Variants in CACNA1A observed in about 807,000 individuals in gnomAD.
CACNA1A encodes calcium voltage-gated channel subunit alpha1 A, also known as voltage-dependent P/Q-type calcium channel subunit alpha-1A.
In CACNA1A, 57 loss-of-function variants were observed where a neutral mutation model predicts 262.4. The ratio of observed to expected loss-of-function variants is 0.22; its 90% CI spans 0.18 to 0.27. The LOEUF (loss-of-function observed/expected upper bound fraction) is 0.27. Among genes scored for constraint, CACNA1A ranks in the 10% least tolerant of loss-of-function variants. CACNA1A has a pLI of 1.00. For synonymous variants in CACNA1A, 1,431 were observed against 1,419.3 expected, an observed-to-expected ratio of 1.01 and a Z score of -0.18; for missense variants, 2,526 against 3,562.8, an observed-to-expected ratio of 0.71 and a Z score of 7.41.
chr19:13,227,249 C>T, intron 37 of CACNA1A, 182 bp downstream of exon 37: 2 of 381,344 alleles, frequency 5.2e-6, no homozygotes, highest in Non-Finnish European at 9.6e-6. Context: ...TGCTTAGAAT[C>T]AAGGGATGGT....
Position 13,207,516 on chromosome 19 carries a change from C to T in CACNA1A, c.7318G>A (p.Val2440Ile), listed in dbSNP as rs765880617. 4.2e-6 allele frequency: 6 copies of T among 1,431,600 alleles called. No individual in the cohort carries two copies. Among genetic ancestry groups the T allele is most frequent in the African/African-American group, 1.5e-5 (1 of 65,836 alleles). 88.7% of individuals were successfully genotyped at this position (1,431,600 alleles called of 1,614,324 possible). Residue 2440 changes from valine to isoleucine, a missense_variant, in exon 47 of 47, where the codon GTA becomes ATA. By Grantham distance (29) the Val-to-Ile change is conservative (BLOSUM62 3). Transcript: ENST00000360228. This position sits in a 1 kb window ranked among gnomAD's most constrained non-coding sequence, Gnocchi z 5.7. ...GTGGCGCCCGAGGACGCGTGTCGTA[C>T]GGGGGGTGGCGCGTCGTAGGCCCCG... ...MAGAYDAPPP[V>I]RHASSGATGR...
At position 13,234,908 on chromosome 19, in the gene CACNA1A, G is replaced by T; in HGVS notation, c.5249+13C>A. On this transcript the variant is annotated intron_variant, in intron 34 of 46. Coordinates refer to ENST00000360228, the MANE Select transcript of CACNA1A (RefSeq NM_001127222.2). ...CACGGAAACAGAATTATCAGAGCAGGTCCCCTTCTCACCGGAAGAGAAGCA... is the reference window on the plus strand; with the variant it reads ...CACGGAAACAGAATTATCAGAGCAGTTCCCCTTCTCACCGGAAGAGAAGCA... 6.4e-7 allele frequency: 1 copy of T among 1,565,548 alleles called. No individual in the cohort carries two copies. The highest frequency in any genetic ancestry group is 8.8e-7 in the Non-Finnish European group (1 of 1,135,672).
chr19:13,398,273 A>C (rs1568606796), intron 3 of CACNA1A, among the ~76,000 whole-genome samples: 1 of 152,140 alleles, frequency 6.6e-6, no homozygotes, highest in Non-Finnish European at 1.5e-5. Flanking sequence ...AAAAGAAAAA[A>C]AAAAAAAGAA....
At chr19:13,448,291 C>A (rs924324469) in intron 3 of CACNA1A, among the ~76,000 whole-genome samples, 6 of 151,972 alleles carry the variant, frequency 3.9e-5, no homozygotes, top group African/African-American at 1.2e-4. Flanking sequence ...TAAGTGGGGG[C>A]TAAATGATGA....
intron 2 of CACNA1A, among the ~76,000 whole-genome samples, chr19:13,454,312 A>G (rs11667343): frequency 0.23 from 35,294 of 150,816 alleles, 4,836 homozygotes; most frequent in Middle Eastern, 0.4. Flanking sequence ...CCCTTCTCCT[A>G]TATCTCACCC....
At chr19:13,265,300 A>G (rs1350953816) in intron 24 of CACNA1A, among the ~76,000 whole-genome samples, 1 of 152,198 alleles carries the variant, frequency 6.6e-6, no homozygotes, top group Non-Finnish European at 1.5e-5. Flanking sequence ...ATCTCCCTAC[A>G]GTGACCTCCC....
Position 13,207,956 on chromosome 19 carries a change from G to T in CACNA1A, c.6878C>A (p.Pro2293His). ...RRQLPQTPST[P>H]RPHVSYSPVI... ...AGGGGAATAGGACACGTGTGGCCGG[G>T]GGGTGGAGGGGGTCTGGGGGAGCTG... Residue 2293 changes from proline (P) to histidine (H), a missense_variant, in exon 47 of 47, where the codon CCC becomes CAC. Transcript: ENST00000360228. The surrounding 1 kb of genome is among the most constrained non-coding windows in gnomAD (Gnocchi z 5.7). 7.3e-7 allele frequency: 1 copy of T among 1,364,698 alleles called. No homozygotes were observed. 84.5% of individuals were successfully genotyped at this position (1,364,698 alleles called of 1,614,324 possible).
In CACNA1A at chr19:13,235,228, TAGATGAAGA is replaced by T; in HGVS notation, c.5105_5113del (p.Phe1702_Ile1704del). 6.2e-7 allele frequency: 1 copy of T among 1,605,394 alleles called. No homozygotes were observed. The highest frequency in any genetic ancestry group is 8.5e-7 in the Non-Finnish European group (1 of 1,175,936). ...ACTCACCTGCATCCCAATGATGGCA[TAGATGAAGA>T]AGAGCATGGCGATCAGCAGACAGAC... On this transcript the variant is annotated inframe_deletion, in exon 33 of 47. Coordinates refer to ENST00000360228, the MANE Select transcript of CACNA1A (RefSeq NM_001127222.2).
intron 4 of CACNA1A, among the ~76,000 whole-genome samples, chr19:13,367,307 AAAAAAAAAAAAAG>A (rs2059232461): frequency 6.6e-6 from 1 of 150,800 alleles, no homozygotes; most frequent in East Asian, 2.0e-4. Flanking sequence ...AAAAAAAAAA[AAAAAAAAAAAAAG>A]GCAGAACTAG....
chr19:13,434,966 T>G (rs1404000549), intron 3 of CACNA1A, among the ~76,000 whole-genome samples: 3 of 151,960 alleles, frequency 2.0e-5, no homozygotes, highest in African/African-American at 7.3e-5. Context: ...ATTTTTGTAC[T>G]TTTAGTAGAG....
chr19:13,400,726 A>G (rs1366853120), intron 3 of CACNA1A, among the ~76,000 whole-genome samples: 1 of 152,188 alleles, frequency 6.6e-6, no homozygotes, highest in Admixed American at 6.5e-5. Context: ...GGCATCAAGT[A>G]AGTTGAGGCA....
At chr19:13,320,991 G>A (rs934807675) in intron 10 of CACNA1A, among the ~76,000 whole-genome samples, 6 of 150,078 alleles carry the variant, frequency 4.0e-5, no homozygotes, top group South Asian at 4.2e-4. Flanking sequence ...ATCAAGAGCC[G>A]GTGTAACTGG....
intron 6 of CACNA1A, 77 bp from the exon 7 acceptor site, chr19:13,335,986 A>G: frequency 1.2e-6 from 1 of 822,266 alleles, no homozygotes; most frequent in Non-Finnish European, 2.0e-6. Flanking sequence ...GGGAAGGGGA[A>G]GCTCGGTTCT....
At chr19:13,251,566 T>G (rs1023744087) in intron 30 of CACNA1A, among the ~76,000 whole-genome samples, 1 of 152,140 alleles carries the variant, frequency 6.6e-6, no homozygotes, top group Non-Finnish European at 1.5e-5. Context: ...TTTAAAGCAA[T>G]GATGAATGCA....
At position 13,252,981 on chromosome 19, in the gene CACNA1A, T is replaced by G; in HGVS notation, c.4866+10A>C. ...CAAGCCCATAGCTGTAGCCCCAAGG[T>G]GGTACTTACCAGAATCCCAAAAGCC... On this transcript the variant is annotated intron_variant, in intron 30 of 46. Transcript: ENST00000360228. 6.4e-7 allele frequency: 1 copy of G among 1,560,844 alleles called. No homozygotes were observed. The highest frequency in any genetic ancestry group is 1.1e-5 in the South Asian group (1 of 90,016).
intron 1 of CACNA1A, among the ~76,000 whole-genome samples, chr19:13,475,587 C>T (rs2145056029): frequency 6.6e-6 from 1 of 152,288 alleles, no homozygotes; most frequent in Non-Finnish European, 1.5e-5. Flanking sequence ...GTTAGCTGAA[C>T]AAGGTAAAGG....
intron 1 of CACNA1A, among the ~76,000 whole-genome samples, chr19:13,470,303 T>C (rs2061327244): frequency 6.6e-6 from 1 of 152,154 alleles, no homozygotes; most frequent in Non-Finnish European, 1.5e-5. Flanking sequence ...GGCTGGTTTC[T>C]AGCCCCCATC....
rs961303012 is a variant in CACNA1A, at chr19:13,384,859, G to A, written c.540-13080C>T. Among the ~76,000 whole-genome samples the A allele has an allele frequency of 3.9e-5, 6 of 152,102 alleles. No homozygotes were observed. The South Asian group carries it at 6.2e-4, about 16-fold the overall frequency. Reference sequence around the variant, plus strand: ...GGCATCAGGGTCACGTCAGTCTTGCGGGGGCTGATGGTTGAGGGAGAACAA... The same window carrying A: ...GGCATCAGGGTCACGTCAGTCTTGCAGGGGCTGATGGTTGAGGGAGAACAA... On this transcript the variant is annotated intron_variant, in intron 3 of 46. Coordinates refer to ENST00000360228, the MANE Select transcript of CACNA1A (RefSeq NM_001127222.2).
chr19:13,359,151 A>G (rs1467765847), intron 6 of CACNA1A, among the ~76,000 whole-genome samples: 1 of 152,164 alleles, frequency 6.6e-6, no homozygotes, highest in Non-Finnish European at 1.5e-5. Flanking sequence ...AAAGTGGGGC[A>G]CAAGCTCTTG....
Sources: allele counts gnomAD v4.1 joint callset (sites outside exome capture counted in the v4.1 genomes callset), GRCh38; gene constraint gnomAD v4.1.1; non-coding constraint Gnocchi (gnomAD v3.1); transcripts MANE v1.5; gene names NCBI Gene and HGNC (gene_info 2026-07-23, HGNC 2026-07-21).